Variants in ADAMTS2 observed in about 807,000 individuals in gnomAD.
ADAMTS2 encodes the protein ADAM metallopeptidase with thrombospondin type 1 motif 2.
In ADAMTS2, 50 loss-of-function variants were observed where a neutral mutation model predicts 123.0. The observed-to-expected ratio is 0.41, with a 90% CI of 0.32 to 0.51. The LOEUF is 0.51. Among genes scored for constraint, ADAMTS2 ranks in the 20% least tolerant of loss-of-function variants. ADAMTS2 has a pLI of 0.35. For synonymous variants in ADAMTS2, 678 were observed against 695.4 expected (o/e 0.98, Z 0.39); for missense variants, 1,494 against 1,705.2 (o/e 0.88, Z 2.18).
chr5:179,284,182 A>G (rs939182760), intron 2 of ADAMTS2, among the ~76,000 whole-genome samples: 2 of 150,344 alleles, frequency 1.3e-5, no homozygotes, highest in Non-Finnish European at 3.0e-5. Context: ...CACAAAAATT[A>G]GCCGGGCTTG....
rs1763436762 is a variant in ADAMTS2, at chr5:179,154,805, G to A, written c.1238+9C>T. 6.2e-7 allele frequency: 1 copy of A among 1,603,666 alleles called. No individual in the cohort carries two copies. The highest frequency in any genetic ancestry group is 2.2e-5 in the East Asian group (1 of 44,594). ...CCCTCTGTGCCCCACCCTTCCCCAG[G>A]CCACTTACACGTGGCCAGTCTCATG... On this transcript the variant is annotated intron_variant, in intron 7 of 21. Transcript: ENST00000251582.
At chr5:179,216,927 T>C (rs1413755662) in intron 3 of ADAMTS2, among the ~76,000 whole-genome samples, 3 of 152,192 alleles carry the variant, frequency 2.0e-5, no homozygotes, top group South Asian at 2.1e-4. Flanking sequence ...AAGAGCACCA[T>C]GCGGCTCATA....
rs890736646 is a variant in ADAMTS2 at position 179,129,285 on chromosome 5, G to A, written c.2457+647C>T. ...TGCACCTGCTTACAGGTGCACCCAC[G>A]TGTGGAGCGCTGGGGGCTGGTGGAT... On this transcript the variant is annotated intron_variant, in intron 16 of 21. Transcript: ENST00000251582. This position sits in a 1 kb window ranked among gnomAD's most constrained non-coding sequence, Gnocchi z 4.1. Among the ~76,000 whole-genome samples, 2 of 152,232 alleles carry A rather than the reference G, an allele frequency of 1.3e-5. No individual in the cohort carries two copies. The highest frequency in any genetic ancestry group is 2.9e-5 in the Non-Finnish European group (2 of 68,046).
chr5:179,205,873 G>A (rs1205522801), intron 4 of ADAMTS2, among the ~76,000 whole-genome samples: 7 of 151,974 alleles, frequency 4.6e-5, no homozygotes, highest in Non-Finnish European at 7.4e-5. Flanking sequence ...CCAGGTTCAC[G>A]CCATTCTCCT....
At position 179,113,619 on chromosome 5, in the gene ADAMTS2, A is replaced by G; in HGVS notation, c.*248T>C. The G allele has an allele frequency of 1.8e-6, 1 of 543,684 alleles. No homozygotes were observed. Among genetic ancestry groups the G allele is most frequent in the South Asian group, 2.1e-5 (1 of 48,476 alleles). 33.7% of individuals were successfully genotyped at this position (543,684 alleles called of 1,614,324 possible). ...CACTGAGGGAGGCCATACAGCCTCT[A>G]TATTCCTCTCCACTGCACACCTGAC... On this transcript the variant is annotated 3_prime_UTR_variant, in exon 22 of 22. Coordinates refer to ENST00000251582, the MANE Select transcript of ADAMTS2 (RefSeq NM_014244.5).
intron 3 of ADAMTS2, among the ~76,000 whole-genome samples, chr5:179,246,403 G>A (rs1212364873): frequency 6.6e-6 from 1 of 152,184 alleles, no homozygotes; most frequent in Non-Finnish European, 1.5e-5. Flanking sequence ...TGTATTAGCT[G>A]CAGACACCTG....
intron 19 of ADAMTS2, among the ~76,000 whole-genome samples, chr5:179,124,502 C>T (rs1762817696): frequency 1.3e-5 from 2 of 152,208 alleles, no homozygotes; most frequent in Non-Finnish European, 1.5e-5. Context: ...CCTCGGAGCC[C>T]GGGCTACCCT....
intron 10 of ADAMTS2, among the ~76,000 whole-genome samples, chr5:179,143,232 T>C (rs1763199981): frequency 6.6e-6 from 1 of 152,056 alleles, no homozygotes; most frequent in Non-Finnish European, 1.5e-5. Context: ...TCAGGAGTTC[T>C]GGACCAGCCT....
chr5:179,193,229 G>A (rs563012759), intron 4 of ADAMTS2, among the ~76,000 whole-genome samples: 7 of 152,178 alleles, frequency 4.6e-5, no homozygotes, highest in African/African-American at 9.7e-5. Context: ...TGTCCAGGAC[G>A]GGAGCTGGCT....
intron 4 of ADAMTS2, among the ~76,000 whole-genome samples, chr5:179,199,897 C>T (rs367642661): frequency 2.6e-5 from 4 of 152,138 alleles, no homozygotes; most frequent in South Asian, 2.1e-4. Context: ...GAAATTCATG[C>T]TAATAATTCA....
chr5:179,154,002 C>G (rs1763416986), intron 8 of ADAMTS2, 47 bp downstream of exon 8: 2 of 1,571,070 alleles, frequency 1.3e-6, no homozygotes. Context: ...CCAGAGCTGA[C>G]CCCAGGGACT....
chr5:179,249,551 C>G lies in ADAMTS2; in HGVS notation c.688+23360G>C, dbSNP rs139123813. On this transcript the variant is annotated intron_variant, in intron 3 of 21. Transcript: ENST00000251582. Reference sequence around the variant, plus strand: ...GAGAAGGCTCCAATTACTAAAATCACAAACAAAAGTGGGGACATTACTACC... The same window carrying G: ...GAGAAGGCTCCAATTACTAAAATCAGAAACAAAAGTGGGGACATTACTACC... 5.7e-3 allele frequency among the ~76,000 whole-genome samples: 869 copies of G among 152,102 alleles called. 11 individuals are homozygous for G. The highest frequency in any genetic ancestry group is 0.02 in the African/African-American group (831 of 41,530).
intron 5 of ADAMTS2, among the ~76,000 whole-genome samples, chr5:179,165,152 C>T (rs748927015): frequency 6.6e-6 from 1 of 152,168 alleles, no homozygotes; most frequent in Non-Finnish European, 1.5e-5. Context: ...TGGGCTCCAG[C>T]GGGACCACCT....
intron 4 of ADAMTS2, among the ~76,000 whole-genome samples, chr5:179,200,538 T>C (rs1379787668): frequency 6.6e-6 from 1 of 152,150 alleles, no homozygotes; most frequent in Non-Finnish European, 1.5e-5. Context: ...TGTGAGCCAC[T>C]GCACTAAGCC....
At chr5:179,141,153 T>C (rs1295755212) in intron 10 of ADAMTS2, among the ~76,000 whole-genome samples, 3 of 152,106 alleles carry the variant, frequency 2.0e-5, no homozygotes, top group African/African-American at 7.2e-5. Flanking sequence ...ATGACCTAAT[T>C]TTGTAGCACT....
chr5:179,160,366 G>A (rs1033300643), intron 5 of ADAMTS2, among the ~76,000 whole-genome samples: 9 of 152,208 alleles, frequency 5.9e-5, no homozygotes, highest in African/African-American at 9.6e-5. Flanking sequence ...AAGGAGAATC[G>A]CTTGAACCCG....
chr5:179,274,904 C>G (rs1302551422), intron 2 of ADAMTS2, among the ~76,000 whole-genome samples: 1 of 152,222 alleles, frequency 6.6e-6, no homozygotes, highest in East Asian at 1.9e-4. Flanking sequence ...CAGGAGGTGA[C>G]ATCTACCCAA....
chr5:179,273,943 GC>G (rs1272466182), intron 2 of ADAMTS2, among the ~76,000 whole-genome samples: 3 of 151,858 alleles, frequency 2.0e-5, no homozygotes, highest in Non-Finnish European at 4.4e-5. Flanking sequence ...GGTGCACCCT[GC>G]CGAGCCACCC....
Position 179,129,162 on chromosome 5 carries a change from C to T in ADAMTS2, c.2457+770G>A, listed in dbSNP as rs531991621. Among the ~76,000 whole-genome samples the T allele has an allele frequency of 1.8e-4, 28 of 152,300 alleles. No individual in the cohort carries two copies. The highest frequency in any genetic ancestry group is 6.5e-4 in the African/African-American group (27 of 41,560). On this transcript the variant is annotated intron_variant, in intron 16 of 21. Transcript: ENST00000251582. The surrounding 1 kb of genome is among the most constrained non-coding windows in gnomAD (Gnocchi z 4.1). Reference sequence around the variant, plus strand: ...AGGACCAGCTGCTCACACACTGATGCAGGCAGGTCACCAAAGGCACGTCCA... The same window carrying T: ...AGGACCAGCTGCTCACACACTGATGTAGGCAGGTCACCAAAGGCACGTCCA...
Sources: gnomAD v4.1 joint callset for allele counts (sites outside exome capture counted in the v4.1 genomes callset) on GRCh38, gnomAD v4.1.1 for gene constraint, Gnocchi (gnomAD v3.1) non-coding constraint, MANE v1.5 for transcripts, NCBI Gene and HGNC (gene_info 2026-07-23, HGNC 2026-07-21) for gene names.